Variants in SGCD observed in about 807,000 individuals in gnomAD.
The protein encoded by SGCD is delta-sarcoglycan.
In SGCD, 18 loss-of-function variants were observed where a neutral mutation model predicts 36.6. That is an observed-to-expected ratio of 0.49 (90% CI 0.34 to 0.73). SGCD has a LOEUF of 0.73. SGCD is among the 30% of genes least tolerant of loss of function. The pLI, the probability that SGCD is intolerant of heterozygous loss-of-function variation, is 0.01. For missense variants in SGCD, 387 were observed against 346.7 expected, an observed-to-expected ratio of 1.12 and a Z score of -0.92; for synonymous variants, 133 against 130.6, an observed-to-expected ratio of 1.02 and a Z score of -0.12.
intron 6 of SGCD, among the ~76,000 whole-genome samples, chr5:156,611,860 TG>T (rs1561814416): frequency 6.6e-6 from 1 of 152,236 alleles, no homozygotes; most frequent in Non-Finnish European, 1.5e-5. Flanking sequence ...TAACCAAATT[TG>T]TTATTGACAC....
intron 4 of SGCD, among the ~76,000 whole-genome samples, chr5:156,553,709 T>A (rs530388682): frequency 6.6e-6 from 1 of 152,148 alleles, no homozygotes; most frequent in Non-Finnish European, 1.5e-5. Context: ...AATTACATAG[T>A]ACATGACCTT....
intron 4 of SGCD, among the ~76,000 whole-genome samples, chr5:156,585,807 T>C (rs1467241651): frequency 1.3e-5 from 2 of 152,206 alleles, no homozygotes; most frequent in African/African-American, 2.4e-5. Flanking sequence ...CCAAGGTCTC[T>C]TTCTGAAACT....
the SGCD span, among the ~76,000 whole-genome samples, chr5:155,771,782 G>A: frequency 2.6e-5 from 4 of 151,976 alleles, no homozygotes; most frequent in Non-Finnish European, 5.9e-5. Context: ...GAACTCCTGG[G>A]CTCAAGTGAT....
At position 156,280,628 on chromosome 5, in the gene SGCD, A is replaced by G. The variant is rs376138777; in HGVS notation, c.-43-48906A>G. Among the ~76,000 whole-genome samples, 13 of 152,294 alleles carry G rather than the reference A, an allele frequency of 8.5e-5. No individual in the cohort carries two copies. The South Asian group carries it at 2.5e-3, about 29-fold the overall frequency. On this transcript the variant is annotated intron_variant, in intron 3 of 9. Transcript: ENST00000517913. ...AAACAGTTTTAATGCTCCACTGGAT[A>G]TTTACAGTTGGATGATATTTTTCTT...
At chr5:156,009,375 A>G (rs1361169077) in intron 1 of SGCD, among the ~76,000 whole-genome samples, 1 of 152,146 alleles carries the variant, frequency 6.6e-6, no homozygotes, top group East Asian at 1.9e-4. Context: ...GGCCTCTACC[A>G]TATACATACC....
intron 7 of SGCD, among the ~76,000 whole-genome samples, chr5:156,671,496 A>T (rs1199562326): frequency 6.6e-6 from 1 of 151,960 alleles, no homozygotes. Context: ...CTGGTCTCGA[A>T]CTCTGGACCT....
chr5:155,783,570 G>C, the SGCD span, among the ~76,000 whole-genome samples: 5 of 151,552 alleles, frequency 3.3e-5, no homozygotes, highest in African/African-American at 1.2e-4. Flanking sequence ...TGAAAGCATA[G>C]TCACTGCAAG....
At chr5:156,171,705 A>T (rs550943167) in intron 3 of SGCD, among the ~76,000 whole-genome samples, 82 of 152,312 alleles carry the variant, frequency 5.4e-4, no homozygotes, top group African/African-American at 1.9e-3. Context: ...TTCTTCTGTA[A>T]ATTTTAAATT....
At chr5:156,018,650 C>A (rs1442555769) in intron 1 of SGCD, among the ~76,000 whole-genome samples, 1 of 152,152 alleles carries the variant, frequency 6.6e-6, no homozygotes, top group Non-Finnish European at 1.5e-5. Context: ...AAATATCTCC[C>A]ATTTACCTAA....
At chr5:155,928,233 G>A (rs767814631) in intron 1 of SGCD, among the ~76,000 whole-genome samples, 2 of 152,062 alleles carry the variant, frequency 1.3e-5, no homozygotes, top group Admixed American at 6.5e-5. Context: ...TTATAGTCAC[G>A]GATTTTTAAA....
At position 156,757,637 on chromosome 5, in the gene SGCD, A is replaced by T; in HGVS notation, c.632A>T (p.Asn211Ile). The T allele has an allele frequency of 6.2e-7, 1 of 1,611,450 alleles. No individual in the cohort carries two copies. The highest frequency in any genetic ancestry group is 1.3e-5 in the African/African-American group (1 of 75,028). The change falls in exon 8 of 9, where the codon AAT becomes ATT. Residue 211 changes from asparagine to isoleucine, a missense_variant. By Grantham distance (149) the Asn-to-Ile change is moderately radical. Transcript: ENST00000337851. ...VMEAPKGVEI[N>I]AEAGNMEATC... ...GAGGCCCCAAAAGGAGTGGAAATCA[A>T]TGCAGAAGCTGGCAATATGGAAGCC...
chr5:156,487,704 C>T (rs1755737842), intron 3 of SGCD, among the ~76,000 whole-genome samples: 1 of 142,720 alleles, frequency 7.0e-6, no homozygotes, highest in Non-Finnish European at 1.5e-5. Context: ...AGGAGAATTG[C>T]TTGAACCCAG....
the SGCD span, among the ~76,000 whole-genome samples, chr5:155,852,073 G>C: frequency 6.6e-6 from 1 of 152,178 alleles, no homozygotes; most frequent in Non-Finnish European, 1.5e-5. Flanking sequence ...CGTGGATAAT[G>C]ACAGGACTTG....
intron 3 of SGCD, among the ~76,000 whole-genome samples, chr5:156,130,806 A>T (rs866157071): frequency 2.6e-5 from 4 of 151,824 alleles, no homozygotes; most frequent in Non-Finnish European, 4.4e-5. Flanking sequence ...GACTCACCAC[A>T]ACCTCTGCCT....
chr5:155,957,820 G>A (rs1757694908), intron 1 of SGCD, among the ~76,000 whole-genome samples: 1 of 152,078 alleles, frequency 6.6e-6, no homozygotes, highest in Non-Finnish European at 1.5e-5. Context: ...CTACTCACAG[G>A]TTCTGCAGGT....
intron 4 of SGCD, among the ~76,000 whole-genome samples, chr5:156,529,919 G>A (rs1389992537): frequency 1.3e-5 from 2 of 152,022 alleles, no homozygotes; most frequent in Admixed American, 1.3e-4. Flanking sequence ...TCTTCCTCTA[G>A]GCAAATACCA....
chr5:156,520,466 A>G (rs115321168), intron 4 of SGCD, among the ~76,000 whole-genome samples: 5,629 of 152,314 alleles, frequency 0.037, 243 homozygotes, highest in African/African-American at 0.1. Flanking sequence ...ACCAAGTGCT[A>G]TTCCCATTAA....
chr5:156,646,176 T>C lies in SGCD; in HGVS notation c.503-1288T>C, dbSNP rs186246709. On this transcript the variant is annotated intron_variant, in intron 6 of 8. Transcript: ENST00000337851. ...AAGAACATAATCAAAGGGTATTTGG[T>C]TGGACAATGGGAGCTGAGTGAGTGG... Among the ~76,000 whole-genome samples, 384 of 152,220 alleles carry C rather than the reference T, an allele frequency of 2.5e-3. 1 individual carries two copies. The highest frequency in any genetic ancestry group is 8.6e-3 in the African/African-American group (356 of 41,536).
At chr5:156,579,289 A>G (rs1397534175) in intron 4 of SGCD, among the ~76,000 whole-genome samples, 5 of 152,120 alleles carry the variant, frequency 3.3e-5, no homozygotes, top group African/African-American at 1.2e-4. Context: ...GTTTGTTGTG[A>G]TTTCTGCTCT....
Sources: gnomAD v4.1 joint callset for allele counts (sites outside exome capture counted in the v4.1 genomes callset) on GRCh38, gnomAD v4.1.1 for gene constraint, MANE v1.5 for transcripts, NCBI Gene and HGNC (gene_info 2026-07-23, HGNC 2026-07-21) for gene names.